FAT4: variants seen among roughly 807,000 people sequenced by gnomAD.
The protein encoded by FAT4 is FAT atypical cadherin 4, also known as protocadherin Fat 4.
Under a neutral mutation model 303.9 loss-of-function variants are expected in FAT4, and 84 were observed. The observed-to-expected ratio is 0.28, with a 90% confidence interval of 0.23 to 0.33. FAT4 has a LOEUF of 0.33. Ranked by LOEUF, FAT4 falls within the 10% of genes least tolerant of loss-of-function variation. The pLI, the probability that FAT4 is intolerant of heterozygous loss-of-function variation, is 1.00. For synonymous variants in FAT4, 2,307 were observed against 2,298.8 expected (o/e 1.00, Z -0.10); for missense variants, 6,005 against 6,146.8 (o/e 0.98, Z 0.77).
At position 125,450,504 on chromosome 4, in the gene FAT4, C is replaced by A; in HGVS notation, c.9494C>A (p.Thr3165Lys). 1.9e-6 allele frequency: 3 copies of A among 1,614,028 alleles called. No individual in the cohort carries two copies. Among genetic ancestry groups the A allele is most frequent in the Non-Finnish European group, 2.5e-6 (3 of 1,179,982 alleles). Residue 3165 changes from threonine (T) to lysine (K), a missense_variant, in exon 10 of 18, where the codon ACG becomes AAG. Physicochemically the swap from Thr to Lys is moderately conservative, Grantham distance 78. Transcript: ENST00000394329. ...GAGCTATGCCAGAAACACGAAATGA[C>A]GATTAGTGCTATAGATGGAGGATGG... Reference protein sequence around the residue: ...DYELCQKHEMTISAIDGGWVA... With the variant: ...DYELCQKHEMKISAIDGGWVA...
chr4:125,343,475 C>T (rs927558353), intron 2 of FAT4, among the ~76,000 whole-genome samples: 4 of 151,756 alleles, frequency 2.6e-5, no homozygotes, highest in African/African-American at 9.7e-5. Context: ...ATATGATTTA[C>T]AACTCCATTT....
In FAT4 at chr4:125,491,857, A is replaced by G. The variant is rs2126099186; in HGVS notation, c.*89A>G. On this transcript the variant is annotated 3_prime_UTR_variant, in exon 18 of 18. Transcript: ENST00000394329. ...GCTGACTAGGTTGGGTCACATTTGA[A>G]AAACAGGCCAGTATGGACTAGTGGT... 1 of 1,351,776 alleles carries G rather than the reference A, an allele frequency of 7.4e-7. No individual in the cohort carries two copies. The highest frequency in any genetic ancestry group is 1.5e-5 in the South Asian group (1 of 65,358). 83.7% of individuals were successfully genotyped at this position (1,351,776 alleles called of 1,614,324 possible).
chr4:125,322,754 C>T (rs1335144958), intron 2 of FAT4, among the ~76,000 whole-genome samples: 3 of 150,900 alleles, frequency 2.0e-5, no homozygotes, highest in Non-Finnish European at 1.5e-5. Context: ...TTTGTATCCT[C>T]TGTGATTTTT....
intron 2 of FAT4, among the ~76,000 whole-genome samples, chr4:125,397,681 G>A (rs1734236361): frequency 6.6e-6 from 1 of 152,014 alleles, no homozygotes; most frequent in African/African-American, 2.4e-5. Context: ...TCTAGCTCTT[G>A]TATATTTCCC....
chr4:125,480,014 C>A, intron 15 of FAT4, 149 bp downstream of exon 15: 1 of 633,922 alleles, frequency 1.6e-6, no homozygotes. Context: ...AATACAGTGA[C>A]ATTTTAAAAA....
chr4:125,378,376 G>A (rs928737776), intron 2 of FAT4, among the ~76,000 whole-genome samples: 2 of 152,122 alleles, frequency 1.3e-5, no homozygotes, highest in Middle Eastern at 6.8e-3. Context: ...TATTGGATAA[G>A]TTAATGAAGT....
chr4:125,371,892 T>A (rs1272645662), intron 2 of FAT4, among the ~76,000 whole-genome samples: 1 of 152,062 alleles, frequency 6.6e-6, no homozygotes, highest in Non-Finnish European at 1.5e-5. Context: ...AAACAACAAT[T>A]GTTCAACTGC....
rs1220906959 is a variant in FAT4, at chr4:125,446,403, T to C, written c.7310T>C (p.Val2437Ala). The C allele has an allele frequency of 5.6e-6, 9 of 1,613,426 alleles. No homozygotes were observed. Among genetic ancestry groups the C allele is most frequent in the African/African-American group, 4.0e-5 (3 of 74,878 alleles). ...ACAAAAGATAATTATACTTTGGTAGTGGTCTGCAGTGATGCGGGATCCCCA... is the reference window on the plus strand; with the variant it reads ...ACAAAAGATAATTATACTTTGGTAGCGGTCTGCAGTGATGCGGGATCCCCA... ...RETKDNYTLV[V>A]VCSDAGSPEP... The change falls in exon 9 of 18, where the codon GTG (valine) becomes GCG (alanine). Residue 2437 changes from valine to alanine, a missense_variant. Coordinates refer to ENST00000394329, the MANE Select transcript of FAT4 (RefSeq NM_001291303.3).
At chr4:125,383,929 T>C (rs1297465116) in intron 2 of FAT4, among the ~76,000 whole-genome samples, 2 of 152,312 alleles carry the variant, frequency 1.3e-5, no homozygotes, top group East Asian at 3.9e-4. Context: ...AAAAAGTCTA[T>C]CATTGTCACT....
chr4:125,479,727 A>G lies in FAT4; in HGVS notation c.12480-14A>G, dbSNP rs1727156041. Reference sequence around the variant, plus strand: ...TTTTATGTGCGTTATTGTTCTCATTATGATTTATTTTAGATGCCCTAGGCT... The same window carrying G: ...TTTTATGTGCGTTATTGTTCTCATTGTGATTTATTTTAGATGCCCTAGGCT... On this transcript the variant is annotated splice_polypyrimidine_tract_variant and intron_variant, in intron 14 of 17. Coordinates refer to ENST00000394329, the MANE Select transcript of FAT4 (RefSeq NM_001291303.3). The G allele has an allele frequency of 4.5e-6, 7 of 1,569,812 alleles. No individual in the cohort carries two copies. In the South Asian group the frequency reaches 7.0e-5, roughly 16 times the overall value.
At chr4:125,333,165 C>G (rs1206074012) in intron 2 of FAT4, among the ~76,000 whole-genome samples, 4 of 151,696 alleles carry the variant, frequency 2.6e-5, no homozygotes, top group African/African-American at 9.7e-5. Context: ...ATTTAGGTAA[C>G]TCATTGAGTT....
At chr4:125,321,991 G>A (rs906211639) in intron 2 of FAT4, among the ~76,000 whole-genome samples, 2 of 152,134 alleles carry the variant, frequency 1.3e-5, no homozygotes, top group African/African-American at 4.8e-5. Flanking sequence ...AGCTTTGGTA[G>A]GAATCAGCAT....
chr4:125,328,211 A>G (rs1053516005), intron 2 of FAT4, among the ~76,000 whole-genome samples: 1 of 152,212 alleles, frequency 6.6e-6, no homozygotes, highest in Non-Finnish European at 1.5e-5. Context: ...TGAGAAGGAG[A>G]GTATAGGGAA....
rs1410991688 is a variant in FAT4, at chr4:125,408,606, A to G, written c.5732A>G (p.Tyr1911Cys). 6.2e-7 allele frequency: 1 copy of G among 1,612,822 alleles called. No homozygotes were observed. Among genetic ancestry groups the G allele is most frequent in the Non-Finnish European group, 8.5e-7 (1 of 1,179,232 alleles). The change falls in exon 5 of 18, where the codon TAT (tyrosine) becomes TGT (cysteine). Residue 1911 changes from tyrosine (Y) to cysteine (C), a missense_variant. Tyr to Cys is a radical substitution (Grantham distance 194). Transcript: ENST00000394329. Reference sequence around the variant, plus strand: ...TTATTAGATTATGAAGTACAGCAATATTATATCCTCACTGTTCGAGCAGAA... The same window carrying G: ...TTATTAGATTATGAAGTACAGCAATGTTATATCCTCACTGTTCGAGCAGAA... ...TRLLDYEVQQ[Y>C]YILTVRAEDG...
At chr4:125,435,192 T>C (rs1364076129) in intron 8 of FAT4, among the ~76,000 whole-genome samples, 1 of 152,214 alleles carries the variant, frequency 6.6e-6, no homozygotes, top group Non-Finnish European at 1.5e-5. Flanking sequence ...TATGATAACT[T>C]GTTCAGAGAG....
rs141468499 is a variant in FAT4 at position 125,356,814 on chromosome 4, A to G, written c.5175+35228A>G. Among the ~76,000 whole-genome samples, 746 of 150,198 alleles carry G rather than the reference A, an allele frequency of 5.0e-3. 29 individuals are homozygous for G. The South Asian group carries it at 0.07, about 14-fold the overall frequency. The stretch of plus-strand genomic sequence containing the variant: ...TAATAAATATAAGATATGATAATAT[A>G]ACAGATAATATAATAGAAATCATAG... On this transcript the variant is annotated intron_variant, in intron 2 of 17. Coordinates refer to ENST00000394329, the MANE Select transcript of FAT4 (RefSeq NM_001291303.3).
chr4:125,452,903 A>G (rs377679993), intron 10 of FAT4, 93 bp downstream of exon 10: 6 of 1,390,918 alleles, frequency 4.3e-6, no homozygotes, highest in African/African-American at 1.4e-5. Flanking sequence ...TGATTTTCAT[A>G]TAAATGAGCA....
intron 8 of FAT4, among the ~76,000 whole-genome samples, chr4:125,444,039 C>T (rs74989307): frequency 0.04 from 6,117 of 152,020 alleles, 421 homozygotes; most frequent in African/African-American, 0.14. Flanking sequence ...TGACTATTTG[C>T]TCATTCATTT....
chr4:125,383,801 T>A (rs906635030), intron 2 of FAT4, among the ~76,000 whole-genome samples: 2 of 152,158 alleles, frequency 1.3e-5, no homozygotes, highest in African/African-American at 4.8e-5. Flanking sequence ...AGCTTCTCAT[T>A]TCCACTCTTA....
Sources: gnomAD v4.1 joint callset for allele counts (sites outside exome capture counted in the v4.1 genomes callset) on GRCh38, gnomAD v4.1.1 for gene constraint, MANE v1.5 for transcripts, NCBI Gene and HGNC (gene_info 2026-07-23, HGNC 2026-07-21) for gene names.